Variants in ALOXE3 observed in about 807,000 individuals in gnomAD.
The protein encoded by ALOXE3 is hydroperoxide isomerase ALOXE3.
A neutral mutation model predicts 87.5 loss-of-function variants in ALOXE3; 78 were observed. The ratio of observed to expected loss-of-function variants is 0.89; its 90% CI spans 0.74 to 1.08. The LOEUF is 1.08. Among genes scored for constraint, ALOXE3 ranks in the 50% least tolerant of loss-of-function variants. The pLI is 0.00. For synonymous variants in ALOXE3, 363 were observed against 370.8 expected, an observed-to-expected ratio of 0.98 and a Z score of 0.24; for missense variants, 946 against 912.4, an observed-to-expected ratio of 1.04 and a Z score of -0.47.
At position 8,114,787 on chromosome 17, in the gene ALOXE3, G is replaced by C. The variant is rs373558818; in HGVS notation, c.554+151C>G. ...CTCCTCACTCTTGTCCCCTGTGCCA[G>C]ACCCTTTGGGGCCATCTCCCATCCT... On this transcript the variant is annotated intron_variant, in intron 5 of 15. Coordinates refer to ENST00000448843, the MANE Select transcript of ALOXE3 (RefSeq NM_021628.3). 2.2e-4 allele frequency: 326 copies of C among 1,456,238 alleles called. 2 individuals carry two copies. In the African/African-American group the frequency reaches 3.7e-3, roughly 16 times the overall value. The allele number at this position is 1,456,238 out of a possible 1,614,324, so 90.2% of individuals were successfully genotyped here.
intron 15 of ALOXE3, among the ~76,000 whole-genome samples, chr17:8,100,254 C>G (rs946285896): frequency 6.6e-6 from 1 of 152,102 alleles, no homozygotes; most frequent in African/African-American, 2.4e-5. Flanking sequence ...AGCCAGCCAC[C>G]GTGCTATGAG....
chr17:8,103,781 C>T (rs1194466229), intron 14 of ALOXE3, among the ~76,000 whole-genome samples: 2 of 151,998 alleles, frequency 1.3e-5, no homozygotes, highest in East Asian at 3.9e-4. Flanking sequence ...AAGGAGGTGG[C>T]CCCAGAGTGG....
At chr17:8,103,525 T>C in intron 14 of ALOXE3, 32 bp from the exon 15 acceptor site, 1 of 1,612,198 alleles carries the variant, frequency 6.2e-7, no homozygotes, top group Non-Finnish European at 8.5e-7. Flanking sequence ...TTGGGTCAGT[T>C]GGCCAGAAGG....
Position 8,103,467 on chromosome 17 carries a change from AT to A in ALOXE3, c.1811del (p.Asn604MetfsTer6). 6.2e-7 allele frequency: 1 copy of A among 1,614,132 alleles called. No individual in the cohort carries two copies. The highest frequency in any genetic ancestry group is 8.5e-7 in the Non-Finnish European group (1 of 1,180,008). ...GQHDFGAWMP[N>X]APSSMRQPPP... ...GGGGCTGCCTCATGGATGATGGAGC[AT>A]TGGGCATCCAGGCCCCAAAGTCATG... On this transcript the variant is annotated frameshift_variant, in exon 15 of 16. Coordinates refer to ENST00000448843, the MANE Select transcript of ALOXE3 (RefSeq NM_021628.3). LOFTEE classifies it high-confidence loss of function.
At chr17:8,112,307 A>G (rs1980166750) in intron 6 of ALOXE3, 111 bp from the exon 7 acceptor site, 2 of 789,664 alleles carry the variant, frequency 2.5e-6, no homozygotes, top group South Asian at 3.0e-5. Context: ...CAGAGTAGAG[A>G]TGCCTAACAA....
chr17:8,110,353 C>T (rs533555282), intron 9 of ALOXE3, 32 bp downstream of exon 9: 1 of 1,606,372 alleles, frequency 6.2e-7, no homozygotes, highest in Non-Finnish European at 8.5e-7. Context: ...AGCACCTGAG[C>T]CCCCATCCCG....
chr17:8,116,655 T>C, intron 3 of ALOXE3, 121 bp downstream of exon 3: 2 of 1,207,006 alleles, frequency 1.7e-6, no homozygotes, highest in Non-Finnish European at 2.4e-6. Context: ...AAACATCTAC[T>C]TGGGAGCCCA....
intron 7 of ALOXE3, 97 bp downstream of exon 7, chr17:8,111,996 G>A: frequency 3.6e-6 from 4 of 1,113,898 alleles, no homozygotes; most frequent in Non-Finnish European, 5.5e-6. Flanking sequence ...AGTCTCCCTG[G>A]GAGGGCTGGG....
At chr17:8,101,177 T>C (rs1978900502) in intron 15 of ALOXE3, among the ~76,000 whole-genome samples, 2 of 151,962 alleles carry the variant, frequency 1.3e-5, no homozygotes, top group Non-Finnish European at 2.9e-5. Flanking sequence ...CAGGCATGCA[T>C]CATCATGCCC....
chr17:8,098,565 C>G (rs1274350918), intron 15 of ALOXE3, among the ~76,000 whole-genome samples: 5 of 152,098 alleles, frequency 3.3e-5, no homozygotes. Context: ...ATCAAAACTC[C>G]TTAAGGGGGT....
rs763500580 is a variant in ALOXE3, at chr17:8,116,925, C to G, written c.203G>C (p.Arg68Pro). Reference sequence around the variant, plus strand: ...GAAAGCGTAGCGCTCCTTGTGTACACGCAGCAGCAAGAGCTCACCCAGCTC... The same window carrying G: ...GAAAGCGTAGCGCTCCTTGTGTACAGGCAGCAGCAAGAGCTCACCCAGCTC... The part of the protein sequence containing the change: ...TAELGELLLL[R>P]VHKERYAFFR... Residue 68 changes from arginine to proline, a missense_variant, in exon 3 of 16, where the codon CGT (arginine) becomes CCT (proline). By Grantham distance (103) the Arg-to-Pro change is moderately radical. Transcript: ENST00000448843. 1.5e-5 allele frequency: 25 copies of G among 1,614,130 alleles called. No homozygotes were observed. The highest frequency in any genetic ancestry group is 1.8e-5 in the Non-Finnish European group (21 of 1,180,048).
chr17:8,109,828 G>T (rs1027820196), intron 11 of ALOXE3, 88 bp downstream of exon 11: 10 of 1,368,998 alleles, frequency 7.3e-6, no homozygotes, highest in Admixed American at 4.0e-5. Flanking sequence ...CTCACAAGGG[G>T]CTTGGGCGCA....
intron 14 of ALOXE3, 123 bp from the exon 15 acceptor site, chr17:8,103,616 G>T: frequency 9.2e-7 from 1 of 1,089,162 alleles, no homozygotes; most frequent in Non-Finnish European, 1.4e-6. Context: ...AGGGGATCAC[G>T]GAAAGGCAAG....
chr17:8,105,188 T>A (rs7213892), intron 13 of ALOXE3, among the ~76,000 whole-genome samples: 59,232 of 152,054 alleles, frequency 0.39, 12,394 homozygotes, highest in African/African-American at 0.53. Context: ...CTTCTCCCAC[T>A]TCATTTCCTT....
rs188419202 is a variant in ALOXE3, at chr17:8,096,235, C to T, written c.*392G>A. The T allele has an allele frequency of 1.4e-3, 298 of 207,252 alleles. No homozygotes were observed. Among genetic ancestry groups the T allele is most frequent in the African/African-American group, 6.5e-3 (282 of 43,162 alleles). The allele number at this position is 207,252 out of a possible 1,614,324, so 12.8% of individuals were successfully genotyped here. A position where few individuals can be genotyped will look rare whatever the true frequency, so the allele number is the denominator to read the frequency against. On this transcript the variant is annotated 3_prime_UTR_variant, in exon 16 of 16. Transcript: ENST00000448843. ...GGCTCTAGGCTTGGAAGAAAGAGAA[C>T]GTAGAAAGGCATGGTAGGAGAAGGA...
At position 8,112,078 on chromosome 17, in the gene ALOXE3, C is replaced by T. The variant is rs1424498658; in HGVS notation, c.784+15G>A. ...TAAGGTGAGGGGTAGACATCTCCTG[C>T]CTGGCTCTGCTCACTTGTCGTGAAG... On this transcript the variant is annotated intron_variant, in intron 7 of 15. Transcript: ENST00000448843. 3 of 1,609,920 alleles carry T rather than the reference C, an allele frequency of 1.9e-6. No individual in the cohort carries two copies. The highest frequency in any genetic ancestry group is 8.5e-7 in the Non-Finnish European group (1 of 1,176,206).
intron 7 of ALOXE3, 62 bp downstream of exon 7, chr17:8,112,031 A>T: frequency 1.4e-6 from 2 of 1,454,252 alleles, no homozygotes; most frequent in Non-Finnish European, 1.9e-6. Flanking sequence ...CAGGAAGGAG[A>T]GGAAGGGGTC....
intron 8 of ALOXE3, among the ~76,000 whole-genome samples, chr17:8,111,106 C>T (rs1980037036): frequency 6.6e-6 from 1 of 152,204 alleles, no homozygotes; most frequent in African/African-American, 2.4e-5. Flanking sequence ...CAAAGATGTC[C>T]CTGCAGCCAC....
chr17:8,110,064 C>A (rs1177802862), intron 10 of ALOXE3, 28 bp downstream of exon 10: 1 of 1,594,772 alleles, frequency 6.3e-7, no homozygotes, highest in Non-Finnish European at 8.5e-7. Context: ...GCCCCTGCCC[C>A]GCTGGGCCCC....
Sources: allele counts gnomAD v4.1 joint callset (sites outside exome capture counted in the v4.1 genomes callset), GRCh38; gene constraint gnomAD v4.1.1; transcripts MANE v1.5; gene names NCBI Gene and HGNC (gene_info 2026-07-23, HGNC 2026-07-21).